Variants in SORCS1 observed in about 807,000 individuals in gnomAD.
The protein encoded by SORCS1 is sortilin related VPS10 domain containing receptor 1, also known as VPS10 domain-containing receptor SorCS1.
Under a neutral mutation model 146.1 loss-of-function variants are expected in SORCS1, and 60 were observed. That is an observed-to-expected ratio of 0.41 (90% CI 0.33 to 0.51). The LOEUF is 0.51. SORCS1 is among the 20% of genes least tolerant of loss of function. SORCS1 has a pLI of 0.21. For missense variants in SORCS1, 1,352 were observed against 1,487.6 expected (o/e 0.91, Z 1.50); for synonymous variants, 637 against 584.0 (o/e 1.09, Z -1.31).
At chr10:106,838,950 G>C (rs1045066064) in intron 2 of SORCS1, among the ~76,000 whole-genome samples, 7 of 152,178 alleles carry the variant, frequency 4.6e-5, no homozygotes, top group African/African-American at 1.4e-4. Flanking sequence ...CATGTAAGAT[G>C]GCAAATTTAA....
At chr10:106,611,849 G>T in intron 22 of SORCS1, 62 bp downstream of exon 22, 1 of 1,282,110 alleles carries the variant, frequency 7.8e-7, no homozygotes, top group Non-Finnish European at 1.1e-6. Context: ...CCCTTTCTGT[G>T]AAATTCTTCA....
At chr10:106,782,117 ACTGT>A (rs2136424314) in intron 3 of SORCS1, among the ~76,000 whole-genome samples, 1 of 152,318 alleles carries the variant, frequency 6.6e-6, no homozygotes, top group African/African-American at 2.4e-5. Context: ...TAGGCAACAG[ACTGT>A]CTGCTTGTGA....
chr10:106,931,006 A>C (rs939014193), intron 2 of SORCS1, among the ~76,000 whole-genome samples: 1 of 152,222 alleles, frequency 6.6e-6, no homozygotes, highest in Non-Finnish European at 1.5e-5. Context: ...TGGTTTTATA[A>C]TCCCCACCAA....
At chr10:107,180,916 A>G in the SORCS1 span, among the ~76,000 whole-genome samples, 1 of 152,166 alleles carries the variant, frequency 6.6e-6, no homozygotes, top group African/African-American at 2.4e-5. Flanking sequence ...CTACAAAACT[A>G]TACAGCATGC....
In SORCS1 at chr10:106,577,226, C is replaced by T; in HGVS notation, c.*194G>A. On this transcript the variant is annotated 3_prime_UTR_variant, in exon 26 of 26. Coordinates refer to ENST00000263054, the MANE Select transcript of SORCS1 (RefSeq NM_052918.5). ...TTTTTACTGGCGTCCTCCATTCAAACATTTACATAGGTAGGGATTTCTTTT... is the reference window on the plus strand; with the variant it reads ...TTTTTACTGGCGTCCTCCATTCAAATATTTACATAGGTAGGGATTTCTTTT... The T allele has an allele frequency of 1.3e-6, 2 of 1,583,242 alleles. No homozygotes were observed. Among genetic ancestry groups the T allele is most frequent in the Non-Finnish European group, 1.7e-6 (2 of 1,161,698 alleles).
chr10:107,128,516 C>T (rs966799125), intron 1 of SORCS1, among the ~76,000 whole-genome samples: 2 of 152,164 alleles, frequency 1.3e-5, no homozygotes, highest in Non-Finnish European at 2.9e-5. Flanking sequence ...TGTCTGAACT[C>T]GTTTTCTCAT....
intron 24 of SORCS1, 142 bp from the exon 25 acceptor site, chr10:106,579,616 G>T: frequency 1.3e-6 from 1 of 792,524 alleles, no homozygotes; most frequent in Non-Finnish European, 2.0e-6. Flanking sequence ...CATGTCACAT[G>T]GCTGACATGG....
At chr10:106,706,771 A>G in intron 7 of SORCS1, 137 bp from the exon 8 acceptor site, 4 of 754,802 alleles carry the variant, frequency 5.3e-6, no homozygotes, top group Non-Finnish European at 8.7e-6. Context: ...AAGTGTAAAG[A>G]ATTGGCCTTC....
chr10:107,032,706 G>A (rs1436450329), intron 1 of SORCS1, among the ~76,000 whole-genome samples: 1 of 152,192 alleles, frequency 6.6e-6, no homozygotes. Flanking sequence ...AGCATCTAAT[G>A]CCGCAGGGAA....
chr10:106,691,297 C>T (rs2135672017), intron 9 of SORCS1, among the ~76,000 whole-genome samples: 1 of 152,244 alleles, frequency 6.6e-6, no homozygotes, highest in South Asian at 2.1e-4. Context: ...AATGGTACAT[C>T]CCACTGTTGG....
intron 7 of SORCS1, 45 bp from the exon 8 acceptor site, chr10:106,706,679 C>A (rs200169763): frequency 6.4e-7 from 1 of 1,570,890 alleles, no homozygotes; most frequent in Admixed American, 1.7e-5. Context: ...GCTACTGTAA[C>A]AGGCACAGGT....
At chr10:107,176,754 C>T in the SORCS1 span, among the ~76,000 whole-genome samples, 1 of 152,110 alleles carries the variant, frequency 6.6e-6, no homozygotes, top group African/African-American at 2.4e-5. Flanking sequence ...ATGGCCTTTG[C>T]TATGATCAAT....
intron 1 of SORCS1, among the ~76,000 whole-genome samples, chr10:107,092,089 A>G (rs180938118): frequency 1.6e-4 from 25 of 152,346 alleles, no homozygotes; most frequent in Non-Finnish European, 1.9e-4. Flanking sequence ...AGATAAAAAG[A>G]TCTCTTGCTT....
intron 2 of SORCS1, among the ~76,000 whole-genome samples, chr10:106,880,263 T>C (rs1411809364): frequency 2.0e-5 from 3 of 152,200 alleles, no homozygotes; most frequent in African/African-American, 7.2e-5. Flanking sequence ...ACAAAAAGAA[T>C]TGTTGCACTT....
chr10:106,758,328 G>A (rs1249767903), intron 5 of SORCS1, among the ~76,000 whole-genome samples: 4 of 152,158 alleles, frequency 2.6e-5, no homozygotes, highest in Non-Finnish European at 4.4e-5. Context: ...CATGGGAAGT[G>A]TTCTCATCTC....
At chr10:107,008,737 C>T (rs1172031201) in intron 1 of SORCS1, among the ~76,000 whole-genome samples, 1 of 152,190 alleles carries the variant, frequency 6.6e-6, no homozygotes, top group East Asian at 1.9e-4. Flanking sequence ...GTGGCTCATG[C>T]CTGTAATCCT....
At chr10:106,850,430 C>T (rs191093218) in intron 2 of SORCS1, among the ~76,000 whole-genome samples, 4 of 152,172 alleles carry the variant, frequency 2.6e-5, no homozygotes, top group East Asian at 3.9e-4. Context: ...GGCAATGCCT[C>T]GCCCTGCTTC....
In SORCS1 at chr10:106,842,376, C is replaced by A. The variant is rs546718157; in HGVS notation, c.627-12703G>T. On this transcript the variant is annotated intron_variant, in intron 2 of 25. Transcript: ENST00000263054. ...AGGCTCCCGAGTAGCTGGGACTACCCTTGTGCACCACCAGGCCCGGCTAAT... is the reference window on the plus strand; with the variant it reads ...AGGCTCCCGAGTAGCTGGGACTACCATTGTGCACCACCAGGCCCGGCTAAT... 2.2e-4 allele frequency among the ~76,000 whole-genome samples: 34 copies of A among 152,064 alleles called. 1 individual carries two copies. The highest frequency in any genetic ancestry group is 7.2e-4 in the African/African-American group (30 of 41,496).
intron 3 of SORCS1, among the ~76,000 whole-genome samples, chr10:106,798,096 T>G (rs1354797704): frequency 6.6e-6 from 1 of 152,144 alleles, no homozygotes; most frequent in Admixed American, 6.5e-5. Context: ...ATCTTCTCCA[T>G]GCTGTTCTTG....
Sources: gnomAD v4.1 joint callset for allele counts (sites outside exome capture counted in the v4.1 genomes callset) on GRCh38, gnomAD v4.1.1 for gene constraint, MANE v1.5 for transcripts, NCBI Gene and HGNC (gene_info 2026-07-23, HGNC 2026-07-21) for gene names.